Variants in APP observed in about 807,000 individuals in gnomAD.
The protein encoded by APP is amyloid-beta precursor protein.
A neutral mutation model predicts 101.4 loss-of-function variants in APP; 31 were observed. The observed-to-expected ratio is 0.31, with a 90% confidence interval of 0.23 to 0.41. APP has a LOEUF of 0.41. Among genes scored for constraint, APP ranks in the 10% least tolerant of loss-of-function variants. The probability of loss-of-function intolerance (pLI) is 1.00; values close to 1 mark genes in which losing one functional copy is unlikely to be tolerated. For synonymous variants in APP, 366 were observed against 364.4 expected (o/e 1.00, Z -0.05); for missense variants, 839 against 1,003.7 (o/e 0.84, Z 2.22).
intron 15 of APP, among the ~76,000 whole-genome samples, chr21:25,898,933 T>C (rs1039783931): frequency 6.6e-6 from 1 of 152,144 alleles, no homozygotes; most frequent in African/African-American, 2.4e-5. Context: ...AAGCACAATG[T>C]CCACAGCATA....
chr21:26,001,475 T>C (rs1176082525), intron 6 of APP, among the ~76,000 whole-genome samples: 1 of 152,220 alleles, frequency 6.6e-6, no homozygotes, highest in South Asian at 2.1e-4. Flanking sequence ...AAGCCACGCA[T>C]CACCCATTAC....
chr21:26,072,014 C>T (rs2061419570), intron 3 of APP, among the ~76,000 whole-genome samples: 1 of 152,178 alleles, frequency 6.6e-6, no homozygotes, highest in Non-Finnish European at 1.5e-5. Flanking sequence ...AGGGCCTTCG[C>T]TTTTAAGTTT....
intron 1 of APP, chr21:26,169,517 A>C (rs1601615854): frequency 6.6e-6 from 1 of 152,258 alleles, no homozygotes; most frequent in African/African-American, 2.4e-5. Flanking sequence ...CGCACATCCC[A>C]CTCTCCGCCT....
chr21:26,086,095 T>G (rs1446846185), intron 3 of APP, among the ~76,000 whole-genome samples: 2 of 152,218 alleles, frequency 1.3e-5, no homozygotes, highest in Non-Finnish European at 2.9e-5. Flanking sequence ...GTGGATCTAT[T>G]ACACCATGAA....
chr21:26,064,163 T>A (rs930575430), intron 3 of APP, among the ~76,000 whole-genome samples: 2 of 152,220 alleles, frequency 1.3e-5, no homozygotes, highest in Middle Eastern at 3.4e-3. Context: ...GACCTGACAA[T>A]TAAATATAAT....
chr21:26,024,416 G>C (rs763962996), intron 5 of APP, among the ~76,000 whole-genome samples: 2 of 152,162 alleles, frequency 1.3e-5, no homozygotes, highest in Non-Finnish European at 2.9e-5. Context: ...TAGGAACCCG[G>C]GATTTGTAGC....
At chr21:25,920,757 A>T (rs1569057690) in intron 13 of APP, among the ~76,000 whole-genome samples, 1 of 145,100 alleles carries the variant, frequency 6.9e-6, no homozygotes, top group Non-Finnish European at 1.5e-5. Flanking sequence ...AAAGAGACTT[A>T]GACTCCCACA....
intron 13 of APP, among the ~76,000 whole-genome samples, chr21:25,929,473 G>GA (rs766771147): frequency 2.6e-5 from 4 of 151,974 alleles, no homozygotes; most frequent in Non-Finnish European, 5.9e-5. Context: ...TATGCTTAAG[G>GA]AGAGTAAATT....
intron 3 of APP, among the ~76,000 whole-genome samples, chr21:26,067,573 G>A (rs1436323602): frequency 6.6e-6 from 1 of 152,094 alleles, no homozygotes; most frequent in Non-Finnish European, 1.5e-5. Flanking sequence ...CTATCTTAAC[G>A]CATACATTTT....
At chr21:26,075,778 T>C (rs1027194930) in intron 3 of APP, among the ~76,000 whole-genome samples, 9 of 142,768 alleles carry the variant, frequency 6.3e-5, no homozygotes, top group African/African-American at 2.1e-4. Context: ...TCTCTACAAG[T>C]GTTCCAACTT....
chr21:26,087,757 C>A (rs1213085772), intron 3 of APP, among the ~76,000 whole-genome samples: 1 of 152,154 alleles, frequency 6.6e-6, no homozygotes, highest in African/African-American at 2.4e-5. Flanking sequence ...GAGGACAGGT[C>A]ATTAACTTTA....
chr21:25,973,418 T>G lies in APP; in HGVS notation c.1458+1652A>C, dbSNP rs935143862. Among the ~76,000 whole-genome samples, 13 of 152,182 alleles carry G rather than the reference T, an allele frequency of 8.5e-5. 1 individual carries two copies. The highest frequency in any genetic ancestry group is 6.5e-4 in the Admixed American group (10 of 15,284). ...ACATTAATATTAATCAAAAGAAAGCTGGAATAGCTTTATTAATATTAAAGT... is the reference window on the plus strand; with the variant it reads ...ACATTAATATTAATCAAAAGAAAGCGGGAATAGCTTTATTAATATTAAAGT... On this transcript the variant is annotated intron_variant, in intron 11 of 17. Coordinates refer to ENST00000346798, the MANE Select transcript of APP (RefSeq NM_000484.4).
At chr21:25,907,156 A>G (rs988349752) in intron 14 of APP, among the ~76,000 whole-genome samples, 2 of 151,348 alleles carry the variant, frequency 1.3e-5, no homozygotes, top group Non-Finnish European at 2.9e-5. Flanking sequence ...TTCTTCTTCT[A>G]TTTTTTTAAA....
At chr21:25,914,209 T>C (rs2039223132) in intron 13 of APP, among the ~76,000 whole-genome samples, 1 of 151,962 alleles carries the variant, frequency 6.6e-6, no homozygotes, top group Non-Finnish European at 1.5e-5. Flanking sequence ...TTGCATTCTA[T>C]TTCTGAATTC....
chr21:26,169,294 T>A (rs1367241872), intron 1 of APP: 1 of 152,332 alleles, frequency 6.6e-6, no homozygotes, highest in Non-Finnish European at 1.5e-5. Context: ...CGCCATCTTC[T>A]CCGTCTTAAT....
intron 8 of APP, among the ~76,000 whole-genome samples, chr21:25,990,761 C>T (rs1415668413): frequency 2.0e-5 from 3 of 146,378 alleles, no homozygotes; most frequent in Non-Finnish European, 3.0e-5. Context: ...TTTACCTCTA[C>T]GGCATATCTG....
chr21:26,039,457 A>G (rs751811209), intron 5 of APP, among the ~76,000 whole-genome samples: 11 of 152,252 alleles, frequency 7.2e-5, no homozygotes, highest in Non-Finnish European at 1.3e-4. Flanking sequence ...ATACTGCTTG[A>G]ATTACTATTG....
intron 13 of APP, among the ~76,000 whole-genome samples, chr21:25,948,004 C>CAAAAA (rs34371241): frequency 4.2e-5 from 3 of 71,060 alleles, no homozygotes; most frequent in Admixed American, 1.7e-4. Flanking sequence ...GACTCCATCT[C>CAAAAA]AAAAAAAAAA....
At chr21:26,129,664 G>C (rs913446427) in intron 1 of APP, among the ~76,000 whole-genome samples, 1 of 152,074 alleles carries the variant, frequency 6.6e-6, no homozygotes, top group East Asian at 1.9e-4. Flanking sequence ...AAAGTGACAC[G>C]AAGTATAGAC....
Sources: allele counts gnomAD v4.1 joint callset (sites outside exome capture counted in the v4.1 genomes callset), GRCh38; gene constraint gnomAD v4.1.1; transcripts MANE v1.5; gene names NCBI Gene and HGNC (gene_info 2026-07-23, HGNC 2026-07-21).